The following DPP10 variants were observed in gnomAD, a reference collection of about 807,000 sequenced individuals.
DPP10 encodes dipeptidyl peptidase like 10, also known as inactive dipeptidyl peptidase 10.
DPP10 carries 33 observed loss-of-function variants against 120.9 expected under a neutral mutation model. That is an observed-to-expected ratio of 0.27 (90% CI 0.21 to 0.37). DPP10 has a LOEUF of 0.37. Among genes scored for constraint, DPP10 ranks in the 10% least tolerant of loss-of-function variants. The probability of loss-of-function intolerance (pLI) is 1.00; values close to 1 mark genes in which losing one functional copy is unlikely to be tolerated. For synonymous variants in DPP10, 337 were observed against 326.1 expected, an observed-to-expected ratio of 1.03 and a Z score of -0.36; for missense variants, 816 against 942.8, an observed-to-expected ratio of 0.87 and a Z score of 1.76.
chr2:114,682,807 TCTATCTAG>T (rs1699117618), intron 1 of DPP10, among the ~76,000 whole-genome samples: 1 of 144,892 alleles, frequency 6.9e-6, no homozygotes, highest in African/African-American at 2.7e-5. Context: ...TATCTATCTA[TCTATCTAG>T]ATATAGAATC....
chr2:115,460,064 TAATA>T (rs2073899007), intron 3 of DPP10, among the ~76,000 whole-genome samples: 1 of 151,862 alleles, frequency 6.6e-6, no homozygotes, highest in Non-Finnish European at 1.5e-5. Flanking sequence ...CAGAACATTG[TAATA>T]AATGTAGTAC....
In DPP10 at chr2:115,677,599, G is replaced by A. The variant is rs2090359992; in HGVS notation, c.442-12088G>A. Among the ~76,000 whole-genome samples, 4 of 152,156 alleles carry A rather than the reference G, an allele frequency of 2.6e-5. No homozygotes were observed. The South Asian group carries it at 8.3e-4, about 32-fold the overall frequency. On this transcript the variant is annotated intron_variant, in intron 5 of 25. Coordinates refer to ENST00000410059, the MANE Select transcript of DPP10 (RefSeq NM_020868.6). Reference sequence around the variant, plus strand: ...TGGAAAAAGATATTTCATACAAATGGAAATAAAAAGTGAGCAGGAAAGCTA... The same window carrying A: ...TGGAAAAAGATATTTCATACAAATGAAAATAAAAAGTGAGCAGGAAAGCTA...
At chr2:114,480,790 T>A (rs1473000598) in intron 1 of DPP10, among the ~76,000 whole-genome samples, 1 of 151,820 alleles carries the variant, frequency 6.6e-6, no homozygotes, top group South Asian at 2.1e-4. Flanking sequence ...CACACCAACA[T>A]GGCACATGTA....
rs186776277 is a variant in DPP10, at chr2:114,768,531, G to C, written c.60+325693G>C. On this transcript the variant is annotated intron_variant, in intron 1 of 25. Transcript: ENST00000410059. ...ACTCAAATCATCTGGATTTGAAGTTGGTTCTCTAATTTTAAGGGCTCGTGT... is the reference window on the plus strand; with the variant it reads ...ACTCAAATCATCTGGATTTGAAGTTCGTTCTCTAATTTTAAGGGCTCGTGT... Among the ~76,000 whole-genome samples the C allele has an allele frequency of 3.3e-5, 5 of 152,274 alleles. No homozygotes were observed. In the East Asian group the frequency reaches 7.7e-4, roughly 24 times the overall value.
chr2:114,792,223 G>A (rs542741381), intron 1 of DPP10, among the ~76,000 whole-genome samples: 6 of 152,100 alleles, frequency 3.9e-5, no homozygotes, highest in African/African-American at 1.4e-4. Flanking sequence ...GGAATATAAC[G>A]CATGGAGCAC....
chr2:115,592,130 A>G (rs971203107), intron 5 of DPP10, among the ~76,000 whole-genome samples: 4 of 152,130 alleles, frequency 2.6e-5, no homozygotes, highest in African/African-American at 9.7e-5. Flanking sequence ...AAGATGTACA[A>G]ATTTATTTAA....
intron 1 of DPP10, among the ~76,000 whole-genome samples, chr2:114,808,751 C>G (rs930312648): frequency 1.3e-5 from 2 of 152,010 alleles, no homozygotes; most frequent in East Asian, 1.9e-4. Context: ...CACCTGGGAC[C>G]CTTGTACCTG....
intron 5 of DPP10, among the ~76,000 whole-genome samples, chr2:115,552,278 C>T (rs1046776635): frequency 1.3e-4 from 20 of 152,010 alleles, no homozygotes; most frequent in African/African-American, 4.6e-4. Flanking sequence ...AAGTTATCTC[C>T]CAGAGTTTTC....
intron 5 of DPP10, among the ~76,000 whole-genome samples, chr2:115,649,631 A>G (rs2087573260): frequency 6.6e-6 from 1 of 152,092 alleles, no homozygotes; most frequent in South Asian, 2.1e-4. Flanking sequence ...AAATTATGAA[A>G]AAGGAAGGAA....
At chr2:115,313,116 G>A (rs568214313) in intron 2 of DPP10, among the ~76,000 whole-genome samples, 4 of 152,046 alleles carry the variant, frequency 2.6e-5, no homozygotes, top group Admixed American at 6.6e-5. Flanking sequence ...CCAGCTACTC[G>A]GGAGGCTGAG....
intron 1 of DPP10, among the ~76,000 whole-genome samples, chr2:114,714,071 TTGTGTGTG>T (rs59076753): frequency 0.047 from 6,936 of 147,378 alleles, 203 homozygotes; most frequent in Middle Eastern, 0.08. Context: ...GGATTTGTGT[TTGTGTGTG>T]TGTGTGTGTG....
intron 1 of DPP10, among the ~76,000 whole-genome samples, chr2:114,987,696 G>A (rs1700486354): frequency 6.6e-6 from 1 of 151,836 alleles, no homozygotes; most frequent in African/African-American, 2.4e-5. Flanking sequence ...TAGTAGGAAT[G>A]GCTATTCATT....
At chr2:114,701,870 GA>G (rs1365120636) in intron 1 of DPP10, among the ~76,000 whole-genome samples, 1 of 152,108 alleles carries the variant, frequency 6.6e-6, no homozygotes, top group African/African-American at 2.4e-5. Flanking sequence ...AAAATAATGT[GA>G]AAAGCTAGCT....
chr2:115,348,487 T>A (rs2063823105), intron 3 of DPP10, among the ~76,000 whole-genome samples: 1 of 152,040 alleles, frequency 6.6e-6, no homozygotes, highest in Non-Finnish European at 1.5e-5. Context: ...TTTACATAGT[T>A]TTTTTTTATA....
At chr2:115,122,259 G>C (rs1466876608) in intron 1 of DPP10, among the ~76,000 whole-genome samples, 1 of 152,118 alleles carries the variant, frequency 6.6e-6, no homozygotes, top group East Asian at 1.9e-4. Flanking sequence ...GAAGAGGAGG[G>C]CACCCTCCCA....
At chr2:114,494,742 C>T (rs1682353817) in intron 1 of DPP10, among the ~76,000 whole-genome samples, 1 of 151,940 alleles carries the variant, frequency 6.6e-6, no homozygotes, top group Admixed American at 6.6e-5. Flanking sequence ...GTATACATTA[C>T]TGAGGTCATT....
intron 1 of DPP10, among the ~76,000 whole-genome samples, chr2:115,229,720 CTA>C (rs2057639302): frequency 6.6e-6 from 1 of 151,084 alleles, no homozygotes; most frequent in African/African-American, 2.4e-5. Flanking sequence ...CTATTCTATT[CTA>C]TTCTATTCTA....
chr2:114,499,534 C>A (rs1293073874), intron 1 of DPP10, among the ~76,000 whole-genome samples: 1 of 151,952 alleles, frequency 6.6e-6, no homozygotes, highest in African/African-American at 2.4e-5. Context: ...ACTGCGCCAT[C>A]TCCCAATAAA....
chr2:115,020,642 T>C (rs1703004615), intron 1 of DPP10, among the ~76,000 whole-genome samples: 1 of 152,100 alleles, frequency 6.6e-6, no homozygotes, highest in Admixed American at 6.6e-5. Flanking sequence ...GGACTTAAAC[T>C]ATAGCCTACA....
Sources: allele counts gnomAD v4.1 joint callset (sites outside exome capture counted in the v4.1 genomes callset), GRCh38; gene constraint gnomAD v4.1.1; transcripts MANE v1.5; gene names NCBI Gene and HGNC (gene_info 2026-07-23, HGNC 2026-07-21).